Variants in FAM222A observed in about 807,000 individuals in gnomAD.
The protein encoded by FAM222A is protein FAM222A.
FAM222A carries 7 observed loss-of-function variants against 25.8 expected under a neutral mutation model. That is an observed-to-expected ratio of 0.27 (90% confidence interval 0.15 to 0.51). The LOEUF is 0.51. FAM222A is among the 20% of genes least tolerant of loss of function. FAM222A has a pLI of 0.97. For synonymous variants in FAM222A, 294 were observed against 298.8 expected (o/e 0.98, Z 0.17); for missense variants, 573 against 640.5 (o/e 0.89, Z 1.14).
chr12:109,767,335 C>G (rs1889082644), intron 2 of FAM222A, among the ~76,000 whole-genome samples: 1 of 152,046 alleles, frequency 6.6e-6, no homozygotes, highest in South Asian at 2.1e-4. Context: ...TAAGACTGGC[C>G]TGGCCAACGT....
chr12:109,746,605 T>C (rs556261278), intron 2 of FAM222A, among the ~76,000 whole-genome samples: 8 of 152,376 alleles, frequency 5.3e-5, no homozygotes, highest in African/African-American at 1.7e-4. Flanking sequence ...TTAATTATTA[T>C]GTTGTTTAAA....
chr12:109,715,970 G>A (rs1175663544), intron 1 of FAM222A, among the ~76,000 whole-genome samples: 2 of 152,180 alleles, frequency 1.3e-5, no homozygotes, highest in Non-Finnish European at 2.9e-5. Flanking sequence ...CCCTAGTCCA[G>A]GGGCTCCCCA....
In FAM222A at chr12:109,762,251, G is replaced by C. The variant is rs180849405; in HGVS notation, c.83-5761G>C. Among the ~76,000 whole-genome samples the C allele has an allele frequency of 2.0e-5, 3 of 152,332 alleles. No homozygotes were observed. In the East Asian group the frequency reaches 5.8e-4, roughly 29 times the overall value. ...TCGGGAATAGGGGCCGGGCACAGTG[G>C]GGAGGGTGCAGCTGCCCTGTGATGT... is the stretch of plus-strand genomic sequence containing the variant. On this transcript the variant is annotated intron_variant, in intron 2 of 2. Coordinates refer to ENST00000538780, the MANE Select transcript of FAM222A (RefSeq NM_032829.3).
At chr12:109,745,559 A>G (rs572720590) in intron 2 of FAM222A, among the ~76,000 whole-genome samples, 3 of 152,328 alleles carry the variant, frequency 2.0e-5, no homozygotes, top group African/African-American at 7.2e-5. Context: ...GATACCTCAC[A>G]TTGTGGTGTG....
rs145179672 is a variant in FAM222A at position 109,752,925 on chromosome 12, C to T, written c.82+8697C>T. ...TGAGCTGTGGGTCCAGGAGTTGGGG[C>T]GGCAGGCTGTCGTGGCCTGTCCTAG... On this transcript the variant is annotated intron_variant, in intron 2 of 2. Transcript: ENST00000538780. 7.2e-3 allele frequency among the ~76,000 whole-genome samples: 1,100 copies of T among 152,176 alleles called. 21 individuals are homozygous for T. Among genetic ancestry groups the T allele is most frequent in the African/African-American group, 0.022 (934 of 41,522 alleles).
intron 1 of FAM222A, among the ~76,000 whole-genome samples, chr12:109,737,416 G>A (rs1457495757): frequency 6.6e-6 from 1 of 151,856 alleles, no homozygotes; most frequent in Non-Finnish European, 1.5e-5. Context: ...CCAGGCAGGG[G>A]ACTGGCATCT....
At chr12:109,736,307 C>A (rs958679439) in intron 1 of FAM222A, among the ~76,000 whole-genome samples, 2 of 152,174 alleles carry the variant, frequency 1.3e-5, no homozygotes, top group Non-Finnish European at 2.9e-5. Flanking sequence ...CTGTTGATAG[C>A]GACCATAAAC....
intron 1 of FAM222A, among the ~76,000 whole-genome samples, chr12:109,733,170 T>C (rs1349929654): frequency 1.3e-5 from 2 of 152,116 alleles, no homozygotes; most frequent in African/African-American, 4.8e-5. Flanking sequence ...ACAGGTGGCA[T>C]TGAACATTTG....
At chr12:109,765,301 A>G (rs1439691538) in intron 2 of FAM222A, among the ~76,000 whole-genome samples, 1 of 152,188 alleles carries the variant, frequency 6.6e-6, no homozygotes, top group Admixed American at 6.5e-5. Context: ...CGATGCCAGT[A>G]GCACCTCTAC....
rs1179336747 is a variant in FAM222A at position 109,714,402 on chromosome 12, G to A, written c.-542G>A. 6.6e-6 allele frequency: 1 copy of A among 152,468 alleles called. No homozygotes were observed. Among genetic ancestry groups the A allele is most frequent in the Non-Finnish European group, 1.5e-5 (1 of 68,222 alleles). The allele number at this position is 152,468 out of a possible 1,614,324, so 9.4% of individuals were successfully genotyped here. On this transcript the variant is annotated 5_prime_UTR_variant, in exon 1 of 3. Transcript: ENST00000538780. This position sits in a 1 kb window ranked among gnomAD's most constrained non-coding sequence, Gnocchi z 4.2. Reference sequence around the variant, plus strand: ...CCGAAGGAGACAATCCCTCCACCTCGGGGCGAACCCGGGGGCTGCAAGCCG... The same window carrying A: ...CCGAAGGAGACAATCCCTCCACCTCAGGGCGAACCCGGGGGCTGCAAGCCG...
rs1220921333 is a variant in FAM222A at position 109,751,174 on chromosome 12, C to CT, written c.82+6955dup. Among the ~76,000 whole-genome samples, 7 of 151,486 alleles carry CT rather than the reference C, an allele frequency of 4.6e-5. No homozygotes were observed. The East Asian group carries it at 5.8e-4, about 13-fold the overall frequency. ...TTTTTTCCCTATGTTTTCTGCACCT[C>CT]TTTTTTTTTCTCCTGTGCTCATTCT... On this transcript the variant is annotated intron_variant, in intron 2 of 2. Transcript: ENST00000538780.
chr12:109,717,914 C>T (rs933744951), intron 1 of FAM222A, among the ~76,000 whole-genome samples: 13 of 152,184 alleles, frequency 8.5e-5, no homozygotes, highest in South Asian at 2.1e-4. Flanking sequence ...AAACTTGAGG[C>T]GCCCTGGTGA....
chr12:109,732,543 A>G (rs1887971200), intron 1 of FAM222A, among the ~76,000 whole-genome samples: 2 of 152,264 alleles, frequency 1.3e-5, no homozygotes, highest in Admixed American at 6.5e-5. Context: ...TTTCCACATC[A>G]GATCATTTGT....
chr12:109,749,122 T>G (rs1888488681), intron 2 of FAM222A, among the ~76,000 whole-genome samples: 1 of 152,182 alleles, frequency 6.6e-6, no homozygotes, highest in Admixed American at 6.5e-5. Context: ...GTTGTTTGTT[T>G]CGAGATGGAG....
intron 1 of FAM222A, among the ~76,000 whole-genome samples, chr12:109,725,704 A>G (rs1388224162): frequency 1.3e-5 from 2 of 151,824 alleles, no homozygotes; most frequent in Non-Finnish European, 2.9e-5. Context: ...TATTAGAAGG[A>G]AACGTTTGCT....
At chr12:109,747,542 C>G (rs746825512) in intron 2 of FAM222A, among the ~76,000 whole-genome samples, 1 of 152,100 alleles carries the variant, frequency 6.6e-6, no homozygotes, top group Non-Finnish European at 1.5e-5. Flanking sequence ...GTGCTTCTAC[C>G]GGGATTGCAT....
At chr12:109,753,749 AGCTACT>A (rs2136363243) in intron 2 of FAM222A, among the ~76,000 whole-genome samples, 1 of 140,364 alleles carries the variant, frequency 7.1e-6, no homozygotes, top group Admixed American at 7.7e-5. Flanking sequence ...GACAGGCTGG[AGCTACT>A]GCCTAAGTGA....
chr12:109,768,240 C>A lies in FAM222A; in HGVS notation c.311C>A (p.Ala104Asp), dbSNP rs1404593672. 6.2e-7 allele frequency: 1 copy of A among 1,610,582 alleles called. No individual in the cohort carries two copies. The change falls in exon 3 of 3, where the codon GCC (alanine) becomes GAC (aspartate). Residue 104 changes from alanine (A) to aspartate (D), a missense_variant. Ala to Asp is a moderately radical substitution (Grantham distance 126). Coordinates refer to ENST00000538780, the MANE Select transcript of FAM222A (RefSeq NM_032829.3). ...QHTAGYQGLLAIVKAAVSSSS... is the reference protein window; with the variant it reads ...QHTAGYQGLLDIVKAAVSSSS... ...ACCGCTGGCTACCAGGGCCTTCTGG[C>A]CATTGTCAAGGCCGCGGTTTCCTCC...
intron 2 of FAM222A, among the ~76,000 whole-genome samples, chr12:109,752,253 C>G (rs192076284): frequency 1.3e-5 from 2 of 152,226 alleles, no homozygotes; most frequent in Admixed American, 1.3e-4. Context: ...CTGCTTCCCC[C>G]GCCCATTCAG....
Sources: gnomAD v4.1 joint callset for allele counts (sites outside exome capture counted in the v4.1 genomes callset) on GRCh38, gnomAD v4.1.1 for gene constraint, Gnocchi (gnomAD v3.1) non-coding constraint, MANE v1.5 for transcripts, NCBI Gene and HGNC (gene_info 2026-07-23, HGNC 2026-07-21) for gene names.